HELZ2: variants seen among roughly 807,000 people sequenced by gnomAD.
The protein encoded by HELZ2 is 3'-5' exoribonuclease HELZ2.
In HELZ2, 143 loss-of-function variants were observed where a neutral mutation model predicts 208.8. The observed-to-expected ratio is 0.68, with a 90% CI of 0.60 to 0.79. The LOEUF is 0.79. Among genes scored for constraint, HELZ2 ranks in the 30% least tolerant of loss-of-function variants. The pLI is 0.00. For missense variants in HELZ2, 3,690 were observed against 3,794.5 expected, an observed-to-expected ratio of 0.97 and a Z score of 0.72; for synonymous variants, 1,705 against 1,693.7, an observed-to-expected ratio of 1.01 and a Z score of -0.16.
At position 63,569,136 on chromosome 20, in the gene HELZ2, C is replaced by A; in HGVS notation, c.1088+12G>T. 6.4e-7 allele frequency: 1 copy of A among 1,565,102 alleles called. No individual in the cohort carries two copies. The highest frequency in any genetic ancestry group is 2.3e-5 in the East Asian group (1 of 44,330). On this transcript the variant is annotated intron_variant, in intron 4 of 18. Transcript: ENST00000467148. ...CCTGCTACCCCAGCTGCTCCTGTTG[C>A]CCCCAGCTCACTTGGCCACCAGCTG...
intron 3 of HELZ2, chr20:63,570,109 T>A: frequency 2.7e-6 from 1 of 369,906 alleles, no homozygotes; most frequent in Admixed American, 3.7e-5. Flanking sequence ...CCACCATGCC[T>A]GGCTAATTTT....
exon 8 of HELZ2, chr20:63,565,193 G>C: frequency 6.2e-7 from 1 of 1,606,964 alleles, no homozygotes; most frequent in Non-Finnish European, 8.5e-7. Context: ...CGGGTCCCAC[G>C]TGTCCATGCG....
chr20:63,563,644 G>A, exon 8 of HELZ2: 1 of 1,546,052 alleles, frequency 6.5e-7, no homozygotes, highest in Non-Finnish European at 8.7e-7. Context: ...CCAGGTGCAG[G>A]CTGCGCGCCC....
exon 8 of HELZ2, chr20:63,566,151 A>C (rs1267805436): frequency 3.2e-6 from 5 of 1,559,512 alleles, no homozygotes; most frequent in Non-Finnish European, 4.3e-6. Flanking sequence ...TCGGTGAAGA[A>C]CTCAGGGGCC....
At chr20:63,562,018 C>G (rs769997575) in intron 10 of HELZ2, 34 bp from the exon 12 acceptor site, 6 of 1,597,622 alleles carry the variant, frequency 3.8e-6, no homozygotes, top group Middle Eastern at 1.7e-4. Context: ...GTAGCCCACC[C>G]TGTGGGTCCC....
At chr20:63,563,015 C>A in exon 8 of HELZ2, 1 of 1,600,396 alleles carries the variant, frequency 6.2e-7, no homozygotes, top group African/African-American at 1.3e-5. Flanking sequence ...ATCCACGTCG[C>A]GGTACCGGTC....
chr20:63,562,948 A>G (rs985283237), exon 8 of HELZ2: 24 of 1,590,764 alleles, frequency 1.5e-5, no homozygotes, highest in Non-Finnish European at 1.9e-5. Context: ...CATTCTCGGC[A>G]ACCGCGCCGG....
Position 63,568,211 on chromosome 20 carries a change from G to A in HELZ2, c.1730+147C>T, listed in dbSNP as rs2082982453. On this transcript the variant is annotated intron_variant, in intron 5 of 18. Transcript: ENST00000467148. Reference sequence around the variant, plus strand: ...CGGCCACCCTCGGTGCCCTGAGCTGGGCCTGATAAAGCCAAAGCCCAAAGC... The same window carrying A: ...CGGCCACCCTCGGTGCCCTGAGCTGAGCCTGATAAAGCCAAAGCCCAAAGC... 5.8e-6 allele frequency: 4 copies of A among 684,020 alleles called. No individual in the cohort carries two copies. The South Asian group carries it at 7.2e-5, about 12-fold the overall frequency. The allele number at this position is 684,020 out of a possible 1,614,324, so 42.4% of individuals were successfully genotyped here.
In HELZ2 at chr20:63,569,223, G is replaced by C. The variant is rs6090457; in HGVS notation, c.1013C>G (p.Ser338Ter). The change falls in exon 4 of 19, where the codon TCA becomes TGA. Residue 338 changes from serine to a stop codon, truncating the protein, a stop_gained. Transcript: ENST00000467148. LOFTEE classifies it high-confidence loss of function. ...CATCCTCTGCCGATAGTTGGTTGGTGAGATGGGGCCCGAGGCCACGCTGCT... is the reference window on the plus strand; with the variant it reads ...CATCCTCTGCCGATAGTTGGTTGGTCAGATGGGGCCCGAGGCCACGCTGCT... 5.8e-6 allele frequency: 9 copies of C among 1,555,388 alleles called. No homozygotes were observed. Among genetic ancestry groups the C allele is most frequent in the Non-Finnish European group, 7.8e-6 (9 of 1,151,304 alleles).
chr20:63,565,440 G>A lies in HELZ2; in HGVS notation c.3382C>T (p.Arg1128Trp), dbSNP rs151132433. 167 of 1,610,074 alleles carry A rather than the reference G, an allele frequency of 1.0e-4. No homozygotes were observed. In the African/African-American group the frequency reaches 1.4e-3, roughly 13 times the overall value. Residue 1128 changes from arginine to tryptophan, a missense_variant, in exon 8 of 19, where the codon CGG (arginine) becomes TGG (tryptophan). This residue lies in a region of HELZ2 where 2,564 missense variants were observed against 2,580.5 expected (regional missense o/e 0.99). Transcript: ENST00000467148. ...GGCACGAAAGAGCAGTGGCGGTACCGCTCGGGCTCCGCGTGCAGCAGCTTC... is the reference window on the plus strand; with the variant it reads ...GGCACGAAAGAGCAGTGGCGGTACCACTCGGGCTCCGCGTGCAGCAGCTTC...
intron 5 of HELZ2, chr20:63,567,980 G>T: frequency 1.8e-6 from 1 of 545,158 alleles, no homozygotes; most frequent in Non-Finnish European, 3.2e-6. Context: ...CCGGCCTGGG[G>T]AGGTGGTGGT....
exon 8 of HELZ2, chr20:63,563,472 C>T (rs1312943099): frequency 6.6e-6 from 10 of 1,518,034 alleles, no homozygotes; most frequent in African/African-American, 1.4e-5. Flanking sequence ...CCTGCCAGGG[C>T]GTGGGGGTGC....
At chr20:63,563,658 G>A (rs773030213) in exon 8 of HELZ2, 44 of 1,560,378 alleles carry the variant, frequency 2.8e-5, no homozygotes, top group South Asian at 2.4e-4. Context: ...CGCGCCCGCC[G>A]CTGATAGCTC....
exon 12 of HELZ2, chr20:63,561,649 T>C (rs761842816): frequency 1.9e-6 from 3 of 1,612,224 alleles, no homozygotes; most frequent in Non-Finnish European, 2.5e-6. Flanking sequence ...CCTGAGCAGC[T>C]TCCTGCTGCC....
exon 8 of HELZ2, chr20:63,563,606 T>C: frequency 1.3e-6 from 2 of 1,536,986 alleles, no homozygotes; most frequent in East Asian, 4.9e-5. Flanking sequence ...GCCCAGCTTG[T>C]CCAGAGGCTG....
At chr20:63,564,598 C>T (rs560818953) in exon 8 of HELZ2, 19 of 1,566,740 alleles carry the variant, frequency 1.2e-5, no homozygotes, top group Admixed American at 7.6e-5. Context: ...AGAGGCTGGC[C>T]GGCAGCATGG....
At chr20:63,562,548 C>G in exon 8 of HELZ2, 1 of 1,593,974 alleles carries the variant, frequency 6.3e-7, no homozygotes. Flanking sequence ...GGCAGCAGCT[C>G]AACGGTGAAC....
exon 14 of HELZ2, chr20:63,561,126 G>T (rs778684077): frequency 3.7e-6 from 6 of 1,612,954 alleles, no homozygotes; most frequent in Admixed American, 1.7e-5. Flanking sequence ...AGGGTTTCAG[G>T]TTCCGTGGCC....
downstream of HELZ2, chr20:63,559,133 A>ATCTG: frequency 8.7e-7 from 1 of 1,154,204 alleles, no homozygotes; most frequent in Non-Finnish European, 1.2e-6. Flanking sequence ...GGAGATCCTG[A>ATCTG]GGCCAGGAGG....
Sources: allele counts gnomAD v4.1 joint callset, GRCh38; gene constraint gnomAD v4.1.1; regional missense constraint gnomAD v4.1.1; transcripts MANE v1.5; gene names NCBI Gene and HGNC (gene_info 2026-07-23, HGNC 2026-07-21).